LARS2: variants seen among roughly 807,000 people sequenced by gnomAD.
The protein encoded by LARS2 is leucine--tRNA ligase, mitochondrial.
A neutral mutation model predicts 116.6 loss-of-function variants in LARS2; 81 were observed. The observed-to-expected ratio is 0.69, with a 90% CI of 0.58 to 0.84. The LOEUF is 0.84. Ranked by LOEUF, LARS2 falls within the 40% of genes least tolerant of loss-of-function variation. The pLI, the probability that LARS2 is intolerant of heterozygous loss-of-function variation, is 0.00. For synonymous variants in LARS2, 396 were observed against 407.2 expected (o/e 0.97, Z 0.33); for missense variants, 968 against 1,114.5 (o/e 0.87, Z 1.87).
At chr3:45,536,129 G>A (rs113007606) in intron 20 of LARS2, among the ~76,000 whole-genome samples, 7,295 of 140,606 alleles carry the variant, frequency 0.052, 185 homozygotes, top group Middle Eastern at 0.088. Context: ...ATTTTTATTT[G>A]TTTATTTTTT....
chr3:45,389,441 A>C (rs1370735179), intron 1 of LARS2, among the ~76,000 whole-genome samples: 1 of 152,182 alleles, frequency 6.6e-6, no homozygotes, highest in Non-Finnish European at 1.5e-5. Flanking sequence ...CTTCCGTGAA[A>C]GGGAAGCCCC....
At chr3:45,545,905 C>T (rs1265324291) in intron 21 of LARS2, among the ~76,000 whole-genome samples, 3 of 151,542 alleles carry the variant, frequency 2.0e-5, no homozygotes, top group Non-Finnish European at 4.4e-5. Flanking sequence ...GCTTAGTGAG[C>T]TGGTCCCTTT....
chr3:45,491,533 G>A lies in LARS2; in HGVS notation c.1256G>A (p.Arg419Gln), dbSNP rs1201491864. The A allele has an allele frequency of 6.2e-6, 10 of 1,613,972 alleles. No homozygotes were observed. In the Middle Eastern group the frequency reaches 6.6e-4, roughly 106 times the overall value. The part of the protein sequence containing the change: ...SSSAEFTGMT[R>Q]QDAFLALTQK... ...CCCTGTCAGTTCACAGGTATGACCC[G>A]GCAGGATGCTTTTCTAGCCCTGACT... Residue 419 changes from arginine (R) to glutamine (Q), a missense_variant, in exon 13 of 22, where the codon CGG becomes CAG. Arg to Gln is a conservative substitution (Grantham distance 43). Transcript: ENST00000645846.
intron 6 of LARS2, among the ~76,000 whole-genome samples, chr3:45,426,690 G>A (rs894783925): frequency 1.5e-4 from 23 of 152,114 alleles, no homozygotes; most frequent in Admixed American, 1.3e-3. Context: ...TGTGCTTGCC[G>A]GTCAAAAACA....
intron 4 of LARS2, among the ~76,000 whole-genome samples, chr3:45,417,058 T>G (rs1698434294): frequency 2.2e-5 from 3 of 134,512 alleles, no homozygotes; most frequent in Non-Finnish European, 4.7e-5. Flanking sequence ...TGGGTGAAAG[T>G]GCAAGACTCT....
chr3:45,432,772 A>G (rs1160590840), intron 6 of LARS2, among the ~76,000 whole-genome samples: 2 of 152,092 alleles, frequency 1.3e-5, no homozygotes, highest in Non-Finnish European at 2.9e-5. Flanking sequence ...GGAAATAAAT[A>G]TTAGAGTAAA....
chr3:45,441,496 C>G (rs936988626), intron 6 of LARS2, among the ~76,000 whole-genome samples: 3 of 152,146 alleles, frequency 2.0e-5, no homozygotes, highest in African/African-American at 2.4e-5. Flanking sequence ...AGTGAGGATG[C>G]GAGGACTTGA....
chr3:45,498,200 G>T (rs931132780), intron 14 of LARS2, among the ~76,000 whole-genome samples: 1 of 152,222 alleles, frequency 6.6e-6, no homozygotes, highest in Non-Finnish European at 1.5e-5. Flanking sequence ...TGGCGGGAGA[G>T]ACATCCTGAG....
chr3:45,442,523 A>C (rs534838581), intron 6 of LARS2, among the ~76,000 whole-genome samples: 4 of 152,354 alleles, frequency 2.6e-5, no homozygotes, highest in Admixed American at 6.5e-5. Flanking sequence ...AAATGATTTA[A>C]AATTTAGGTA....
chr3:45,399,466 T>TTG (rs139174823), intron 3 of LARS2, among the ~76,000 whole-genome samples: 1 of 151,612 alleles, frequency 6.6e-6, no homozygotes, highest in Non-Finnish European at 1.5e-5. Context: ...GAGAAGTGTT[T>TTG]TTTTGTTTTG....
intron 3 of LARS2, among the ~76,000 whole-genome samples, chr3:45,399,017 T>C (rs1038897031): frequency 1.3e-5 from 2 of 152,232 alleles, no homozygotes; most frequent in African/African-American, 2.4e-5. Flanking sequence ...TAAGGACTCA[T>C]TGGCCTGTGT....
intron 3 of LARS2, among the ~76,000 whole-genome samples, chr3:45,399,466 T>TTTTTG (rs55773346): frequency 0.17 from 25,756 of 151,614 alleles, 2,525 homozygotes; most frequent in Middle Eastern, 0.3. Flanking sequence ...GAGAAGTGTT[T>TTTTTG]TTTTGTTTTG....
At chr3:45,466,762 G>A (rs1038704378) in intron 8 of LARS2, among the ~76,000 whole-genome samples, 2 of 152,058 alleles carry the variant, frequency 1.3e-5, no homozygotes, top group African/African-American at 4.8e-5. Context: ...TGTCTCCCAG[G>A]CTGGAGTGCA....
intron 7 of LARS2, among the ~76,000 whole-genome samples, chr3:45,451,884 T>C (rs1272619810): frequency 2.0e-5 from 3 of 152,158 alleles, no homozygotes; most frequent in Non-Finnish European, 4.4e-5. Flanking sequence ...CTATCATCAA[T>C]GTTTTATAGT....
At chr3:45,468,416 A>G (rs1361095035) in intron 8 of LARS2, among the ~76,000 whole-genome samples, 1 of 152,222 alleles carries the variant, frequency 6.6e-6, no homozygotes, top group African/African-American at 2.4e-5. Flanking sequence ...GCCACAGATT[A>G]GGCTGAGGAC....
Position 45,529,634 on chromosome 3 carries a change from G to A in LARS2, c.2404+5526G>A, listed in dbSNP as rs574217509. 7.3e-5 allele frequency among the ~76,000 whole-genome samples: 11 copies of A among 151,686 alleles called. No individual in the cohort carries two copies. The South Asian group carries it at 2.3e-3, about 32-fold the overall frequency. On this transcript the variant is annotated intron_variant, in intron 20 of 21. Coordinates refer to ENST00000645846, the MANE Select transcript of LARS2 (RefSeq NM_015340.4). Reference sequence around the variant, plus strand: ...ACACATAACTAACTGTAATTGCTTGGTCAGAAGAGATACAAAAGATTAAGG... The same window carrying A: ...ACACATAACTAACTGTAATTGCTTGATCAGAAGAGATACAAAAGATTAAGG...
intron 8 of LARS2, among the ~76,000 whole-genome samples, chr3:45,465,976 T>G (rs1301081828): frequency 6.6e-6 from 1 of 152,252 alleles, no homozygotes; most frequent in Non-Finnish European, 1.5e-5. Flanking sequence ...AGAAAACTTC[T>G]GCAGTCTCTG....
intron 15 of LARS2, among the ~76,000 whole-genome samples, chr3:45,504,775 T>G (rs6792023): frequency 2.7e-3 from 405 of 151,858 alleles, no homozygotes; most frequent in African/African-American, 7.9e-3. Flanking sequence ...TTGTTTGTTT[T>G]TTTTTTTAAG....
At chr3:45,435,197 A>G (rs144600332) in intron 6 of LARS2, among the ~76,000 whole-genome samples, 5 of 152,180 alleles carry the variant, frequency 3.3e-5, no homozygotes, top group African/African-American at 1.2e-4. Context: ...ACCTCCTCTG[A>G]CACTGTTTTA....
Sources: allele counts gnomAD v4.1 joint callset (sites outside exome capture counted in the v4.1 genomes callset), GRCh38; gene constraint gnomAD v4.1.1; transcripts MANE v1.5; gene names NCBI Gene and HGNC (gene_info 2026-07-23, HGNC 2026-07-21).